Variants in HMGXB4 observed in about 807,000 individuals in gnomAD.
HMGXB4 encodes HMG-box containing 4.
HMGXB4 carries 27 observed loss-of-function variants against 63.9 expected under a neutral mutation model. The observed-to-expected ratio is 0.42, with a 90% CI of 0.31 to 0.58. The LOEUF (loss-of-function observed/expected upper bound fraction) is 0.58, where lower values mean the gene tolerates loss of function less well. HMGXB4 is among the 20% of genes least tolerant of loss of function. The pLI, the probability that HMGXB4 is intolerant of heterozygous loss-of-function variation, is 0.13. For missense variants in HMGXB4, 624 were observed against 700.7 expected, an observed-to-expected ratio of 0.89 and a Z score of 1.24; for synonymous variants, 264 against 265.3, an observed-to-expected ratio of 0.99 and a Z score of 0.05.
At chr22:35,287,220 A>G in intron 7 of HMGXB4, 127 bp from the exon 8 acceptor site, 1 of 704,204 alleles carries the variant, frequency 1.4e-6, no homozygotes, top group South Asian at 1.7e-5. Context: ...AAAAGTTAGC[A>G]TTAACCCTCT....
chr22:35,241,571 C>T, the HMGXB4 span, among the ~76,000 whole-genome samples: 8 of 152,206 alleles, frequency 5.3e-5, no homozygotes, highest in African/African-American at 1.4e-4. Context: ...TGGGCTGCTT[C>T]GGGATCCACT....
the HMGXB4 span, among the ~76,000 whole-genome samples, chr22:35,241,935 C>A: frequency 1.3e-5 from 2 of 152,192 alleles, no homozygotes; most frequent in Non-Finnish European, 2.9e-5. Context: ...TCCTGCCTCC[C>A]ATCCGCCATG....
At chr22:35,261,199 A>G (rs980837145) in intron 1 of HMGXB4, among the ~76,000 whole-genome samples, 2 of 152,164 alleles carry the variant, frequency 1.3e-5, no homozygotes, top group Non-Finnish European at 2.9e-5. Context: ...GCACTTTGGG[A>G]GGCCGAGGTG....
intron 4 of HMGXB4, chr22:35,264,218 T>C: frequency 1.9e-6 from 1 of 521,736 alleles, no homozygotes; most frequent in East Asian, 4.1e-5. Flanking sequence ...CCAGTATATA[T>C]CCACTCACAG....
chr22:35,267,463 T>A (rs1167173522), intron 5 of HMGXB4, among the ~76,000 whole-genome samples: 1 of 152,088 alleles, frequency 6.6e-6, no homozygotes, highest in East Asian at 1.9e-4. Flanking sequence ...AAGGAGAAGG[T>A]TTCAGTGGAA....
chr22:35,263,240 A>T lies in HMGXB4; in HGVS notation c.180+14A>T. The T allele has an allele frequency of 5.6e-6, 9 of 1,596,114 alleles. No homozygotes were observed. Among genetic ancestry groups the T allele is most frequent in the Non-Finnish European group, 7.7e-6 (9 of 1,173,140 alleles). On this transcript the variant is annotated intron_variant, in intron 3 of 10. Transcript: ENST00000216106. Reference sequence around the variant, plus strand: ...AAGAAGTTGAAGGTAAGTCCTGAAAATTTAAATTAGGAAAGTCTTAAACTA... The same window carrying T: ...AAGAAGTTGAAGGTAAGTCCTGAAATTTTAAATTAGGAAAGTCTTAAACTA...
Position 35,265,130 on chromosome 22 carries a change from G to A in HMGXB4, c.742G>A (p.Ala248Thr). 6.2e-7 allele frequency: 1 copy of A among 1,614,130 alleles called. No homozygotes were observed. Among genetic ancestry groups the A allele is most frequent in the East Asian group, 2.2e-5 (1 of 44,880 alleles). ...GHELQSFLKT[A>T]RKKHKSSSDA... is the part of the protein sequence containing the mutation. ...TGAGTTACAGAGCTTTCTGAAAACA[G>A]CCCGGAAAAAGCACAAGTCATCCTC... Residue 248 changes from alanine to threonine, a missense_variant, in exon 5 of 11, where the codon GCC becomes ACC. By Grantham distance (58) the Ala-to-Thr change is moderately conservative. Transcript: ENST00000216106.
intron 2 of HMGXB4, chr22:35,262,727 T>A (rs1922941063): frequency 1.9e-6 from 1 of 518,962 alleles, no homozygotes; most frequent in Non-Finnish European, 3.4e-6. Context: ...AATCACATCC[T>A]GGACTCCCAC....
chr22:35,259,555 T>C (rs566411203), intron 1 of HMGXB4, among the ~76,000 whole-genome samples: 3 of 106,278 alleles, frequency 2.8e-5, no homozygotes, highest in Non-Finnish European at 5.1e-5. Flanking sequence ...TCTGATCTTA[T>C]ATAAATGTTG....
chr22:35,242,846 G>A, the HMGXB4 span, among the ~76,000 whole-genome samples: 1 of 152,038 alleles, frequency 6.6e-6, no homozygotes, highest in Non-Finnish European at 1.5e-5. Context: ...TAAGGTACTT[G>A]TTCATCTTTT....
chr22:35,285,176 CAGG>C (rs1316442113), intron 6 of HMGXB4, among the ~76,000 whole-genome samples: 1 of 152,176 alleles, frequency 6.6e-6, no homozygotes, highest in Non-Finnish European at 1.5e-5. Flanking sequence ...GAGGCTGAAG[CAGG>C]AGAATTGCTG....
At chr22:35,265,724 T>A in intron 5 of HMGXB4, 121 bp downstream of exon 5, 2 of 1,301,972 alleles carry the variant, frequency 1.5e-6, no homozygotes. Flanking sequence ...GTTTGGGGGA[T>A]ATGTTGGAAT....
At chr22:35,275,214 G>C (rs939357408) in intron 5 of HMGXB4, among the ~76,000 whole-genome samples, 4 of 148,610 alleles carry the variant, frequency 2.7e-5, no homozygotes, top group African/African-American at 1.0e-4. Flanking sequence ...CTGCCTCCCG[G>C]GTTTAAGTGA....
intron 5 of HMGXB4, among the ~76,000 whole-genome samples, 164 bp from the exon 6 acceptor site, chr22:35,283,798 T>A (rs1443150877): frequency 2.6e-5 from 4 of 151,676 alleles, no homozygotes; most frequent in African/African-American, 9.6e-5. Context: ...TCAAAAAATA[T>A]ATATATATAT....
At chr22:35,249,109 A>G in the HMGXB4 span, among the ~76,000 whole-genome samples, 12 of 152,076 alleles carry the variant, frequency 7.9e-5, 1 homozygote, top group African/African-American at 2.9e-4. Context: ...CCCAGGCTGG[A>G]GTGCAGTGGC....
chr22:35,287,995 G>A (rs191989341), intron 8 of HMGXB4, among the ~76,000 whole-genome samples: 83 of 151,742 alleles, frequency 5.5e-4, no homozygotes, highest in African/African-American at 2.0e-3. Flanking sequence ...CTTGTGTGCC[G>A]TATGCATTCT....
intron 5 of HMGXB4, among the ~76,000 whole-genome samples, chr22:35,267,330 A>G (rs1375986921): frequency 1.3e-5 from 2 of 152,134 alleles, no homozygotes; most frequent in South Asian, 4.1e-4. Flanking sequence ...TATGAAATAA[A>G]CACTATGTGT....
Position 35,271,777 on chromosome 22 carries a change from T to A in HMGXB4, c.1215+6174T>A, listed in dbSNP as rs77603370. 5.0e-3 allele frequency among the ~76,000 whole-genome samples: 759 copies of A among 152,346 alleles called. 13 individuals are homozygous for A. The highest frequency in any genetic ancestry group is 0.017 in the African/African-American group (726 of 41,576). On this transcript the variant is annotated intron_variant, in intron 5 of 10. Coordinates refer to ENST00000216106, the MANE Select transcript of HMGXB4 (RefSeq NM_001003681.3). ...AATACTTGACATCTCTCAGATACCT[T>A]ACGAACTACTAGTTCAAAGTAATTC...
rs1030579074 is a variant in HMGXB4 at position 35,265,036 on chromosome 22, A to G, written c.648A>G (p.Gln216=). ...VDEESFQYPS[Q]QATVKKSSKK... ...AGGAGTCTTTTCAATATCCCTCCCAACAAGCGACTGTGAAAAAATCCTCAA... is the reference window on the plus strand; with the variant it reads ...AGGAGTCTTTTCAATATCCCTCCCAGCAAGCGACTGTGAAAAAATCCTCAA... Residue 216 remains glutamine, a synonymous_variant, in exon 5 of 11, where the codon CAA becomes CAG. Coordinates refer to ENST00000216106, the MANE Select transcript of HMGXB4 (RefSeq NM_001003681.3). The G allele has an allele frequency of 1.2e-6, 2 of 1,613,894 alleles. No individual in the cohort carries two copies.
Sources: allele counts gnomAD v4.1 joint callset (sites outside exome capture counted in the v4.1 genomes callset), GRCh38; gene constraint gnomAD v4.1.1; transcripts MANE v1.5; gene names NCBI Gene and HGNC (gene_info 2026-07-23, HGNC 2026-07-21).